KMT2C: variants seen among roughly 807,000 people sequenced by gnomAD.
KMT2C encodes histone-lysine N-methyltransferase 2C.
Under a neutral mutation model 507.9 loss-of-function variants are expected in KMT2C, and 88 were observed. That is an observed-to-expected ratio of 0.17 (90% CI 0.15 to 0.21). The LOEUF (loss-of-function observed/expected upper bound fraction) is 0.21, where lower values mean the gene tolerates loss of function less well. Ranked by LOEUF, KMT2C falls within the 10% of genes least tolerant of loss-of-function variation. The probability of loss-of-function intolerance (pLI) is 1.00; values close to 1 mark genes in which losing one functional copy is unlikely to be tolerated. For missense variants in KMT2C, 4,954 were observed against 5,957.8 expected (o/e 0.83, Z 5.55); for synonymous variants, 2,049 against 2,080.8 (o/e 0.98, Z 0.42).
intron 6 of KMT2C, among the ~76,000 whole-genome samples, chr7:152,297,051 AAGACAGAGAGAGAGAGAGAGAGAG>A (rs1477597921): frequency 3.3e-5 from 2 of 60,240 alleles, no homozygotes; most frequent in African/African-American, 1.4e-4. Flanking sequence ...GAAAGAAAGA[AAGACAGAGAGAGAGAGAGAGAGAG>A]AGAGAGAGAG....
intron 1 of KMT2C, among the ~76,000 whole-genome samples, chr7:152,397,031 C>G (rs1033706432): frequency 6.6e-6 from 1 of 152,178 alleles, no homozygotes; most frequent in Admixed American, 6.5e-5. Context: ...GGCCTTCAAT[C>G]TAGTTTAAAA....
At chr7:152,171,948 A>T (rs1321498452) in intron 39 of KMT2C, among the ~76,000 whole-genome samples, 1 of 152,222 alleles carries the variant, frequency 6.6e-6, no homozygotes, top group Non-Finnish European at 1.5e-5. Context: ...GAGAAATGTT[A>T]CTCATTCTAA....
chr7:152,313,071 A>C (rs946008690), intron 4 of KMT2C, among the ~76,000 whole-genome samples: 1 of 152,194 alleles, frequency 6.6e-6, no homozygotes, highest in African/African-American at 2.4e-5. Flanking sequence ...TATGTTCAGC[A>C]TTAGAAATGC....
intron 11 of KMT2C, 145 bp downstream of exon 11, chr7:152,251,794 A>T (rs1315281281): frequency 6.2e-6 from 3 of 483,436 alleles, no homozygotes; most frequent in Non-Finnish European, 7.0e-6. Flanking sequence ...AAGATAACAA[A>T]TACATTTAAA....
At chr7:152,364,362 C>T (rs924407260) in intron 1 of KMT2C, among the ~76,000 whole-genome samples, 5 of 152,160 alleles carry the variant, frequency 3.3e-5, no homozygotes, top group Non-Finnish European at 7.3e-5. Context: ...AATCCCAGCA[C>T]TTTGGGAGGC....
chr7:152,223,248 C>T (rs1196762334), intron 20 of KMT2C, among the ~76,000 whole-genome samples: 1 of 151,676 alleles, frequency 6.6e-6, no homozygotes, highest in African/African-American at 2.4e-5. Context: ...CCAATGAAAG[C>T]AAGGAAACAT....
intron 1 of KMT2C, among the ~76,000 whole-genome samples, chr7:152,393,871 T>C (rs188480592): frequency 0.011 from 1,332 of 120,306 alleles, 29 homozygotes; most frequent in African/African-American, 0.043. Context: ...CACTCCAGCC[T>C]GGGCAACAAG....
At chr7:152,225,471 A>G (rs2094898650) in intron 18 of KMT2C, among the ~76,000 whole-genome samples, 1 of 152,254 alleles carries the variant, frequency 6.6e-6, no homozygotes, top group African/African-American at 2.4e-5. Context: ...CCAATTCTAC[A>G]GGAAAATACT....
chr7:152,316,429 AAAATT>A (rs1431547171), intron 3 of KMT2C, among the ~76,000 whole-genome samples: 3 of 152,144 alleles, frequency 2.0e-5, no homozygotes, highest in Non-Finnish European at 4.4e-5. Flanking sequence ...AAAACATTAA[AAAATT>A]AAGAGACAAC....
At chr7:152,168,371 A>G (rs562056507) in intron 41 of KMT2C, among the ~76,000 whole-genome samples, 45 of 152,318 alleles carry the variant, frequency 3.0e-4, no homozygotes, top group Non-Finnish European at 5.0e-4. Flanking sequence ...TTTAATGCAA[A>G]TATGTATTCA....
chr7:152,279,911 C>T (rs1326170967), intron 6 of KMT2C, among the ~76,000 whole-genome samples: 15 of 152,298 alleles, frequency 9.8e-5, no homozygotes, highest in African/African-American at 3.4e-4. Context: ...CCACCGACCC[C>T]ACCAAATTTC....
At chr7:152,287,347 G>A (rs911540360) in intron 6 of KMT2C, among the ~76,000 whole-genome samples, 4 of 152,122 alleles carry the variant, frequency 2.6e-5, no homozygotes, top group African/African-American at 9.7e-5. Context: ...TATTCACAAA[G>A]GTGTAATGCA....
At chr7:152,367,128 C>T in intron 1 of KMT2C, 1 of 1,090,558 alleles carries the variant, frequency 9.2e-7, no homozygotes. Flanking sequence ...GTGTGGTCTC[C>T]TAGAAATCTA....
At chr7:152,363,054 C>A (rs546063912) in intron 1 of KMT2C, among the ~76,000 whole-genome samples, 26 of 152,280 alleles carry the variant, frequency 1.7e-4, no homozygotes, top group South Asian at 1.0e-3. Flanking sequence ...ACACTATATT[C>A]TGAATGCAAA....
At chr7:152,408,000 G>A (rs1364278857) in intron 1 of KMT2C, among the ~76,000 whole-genome samples, 1 of 152,288 alleles carries the variant, frequency 6.6e-6, no homozygotes, top group African/African-American at 2.4e-5. Flanking sequence ...TGTAATAGTG[G>A]CCAAGGTGGC....
rs2090199208 is a variant in KMT2C at position 152,138,992 on chromosome 7, C to T, written c.14535-88G>A. ...CCATTTATTGATAAAGCAGTTTTTG[C>T]TAATTAAATTTCTATTTGCCCATTG... On this transcript the variant is annotated intron_variant, in intron 57 of 58. Transcript: ENST00000262189. This position sits in a 1 kb window ranked among gnomAD's most constrained non-coding sequence, Gnocchi z 4.2. 2 of 1,123,078 alleles carry T rather than the reference C, an allele frequency of 1.8e-6. No homozygotes were observed. Among genetic ancestry groups the T allele is most frequent in the East Asian group, 4.7e-5 (2 of 42,672 alleles). 69.6% of individuals were successfully genotyped at this position (1,123,078 alleles called of 1,614,324 possible). A position where few individuals can be genotyped will look rare whatever the true frequency, so the allele number is the denominator to read the frequency against.
rs1434082575 is a variant in KMT2C, at chr7:152,216,704, A to G, written c.3712+3819T>C. On this transcript the variant is annotated intron_variant, in intron 23 of 58. Coordinates refer to ENST00000262189, the MANE Select transcript of KMT2C (RefSeq NM_170606.3). The stretch of plus-strand genomic sequence containing the variant: ...GACATGGAAACATTAAGCTCATAGA[A>G]TAATTGTGGCAGACAATTCCCTCAT... Among the ~76,000 whole-genome samples, 4 of 152,346 alleles carry G rather than the reference A, an allele frequency of 2.6e-5. No individual in the cohort carries two copies. The South Asian group carries it at 6.2e-4, about 24-fold the overall frequency.
chr7:152,375,031 G>A (rs1322675018), intron 1 of KMT2C, among the ~76,000 whole-genome samples: 1 of 152,000 alleles, frequency 6.6e-6, no homozygotes, highest in Non-Finnish European at 1.5e-5. Context: ...TTTATTTCAC[G>A]TCACAGATAA....
rs746350261 is a variant in KMT2C, at chr7:152,146,684, T to C, written c.13946A>G (p.Glu4649Gly). Reference protein sequence around the residue: ...EPVACVRKKSEMLQLFPAYLK... With the variant: ...EPVACVRKKSGMLQLFPAYLK... Reference sequence around the variant, plus strand: ...ATACGCTGGGAAAAGCTGGAGCATTTCAGACTTTTTTCTCACACATGCCAC... The same window carrying C: ...ATACGCTGGGAAAAGCTGGAGCATTCCAGACTTTTTTCTCACACATGCCAC... Residue 4649 changes from glutamate (E) to glycine (G), a missense_variant, in exon 53 of 59, where the codon GAA becomes GGA. Around this residue, in one of 29 missense-constraint regions of KMT2C, gnomAD observed 221 missense variants for 304.7 expected, o/e 0.73. Transcript: ENST00000262189. 4 of 1,614,088 alleles carry C rather than the reference T, an allele frequency of 2.5e-6. No individual in the cohort carries two copies. Among genetic ancestry groups the C allele is most frequent in the Non-Finnish European group, 1.7e-6 (2 of 1,179,958 alleles).
Sources: allele counts gnomAD v4.1 joint callset (sites outside exome capture counted in the v4.1 genomes callset), GRCh38; gene constraint gnomAD v4.1.1; regional missense constraint gnomAD v4.1.1; non-coding constraint Gnocchi (gnomAD v3.1); transcripts MANE v1.5; gene names NCBI Gene and HGNC (gene_info 2026-07-23, HGNC 2026-07-21).